TMEM178B: variants seen among roughly 807,000 people sequenced by gnomAD.
TMEM178B encodes transmembrane protein 178B.
TMEM178B carries 5 observed loss-of-function variants against 31.0 expected under a neutral mutation model. That is an observed-to-expected ratio of 0.16 (90% CI 0.08 to 0.34). The LOEUF is 0.34. Among genes scored for constraint, TMEM178B ranks in the 10% least tolerant of loss-of-function variants. The pLI, the probability that TMEM178B is intolerant of heterozygous loss-of-function variation, is 1.00. For synonymous variants in TMEM178B, 164 were observed against 164.0 expected (o/e 1.00, Z 0.00); for missense variants, 275 against 400.3 (o/e 0.69, Z 2.67).
chr7:141,368,222 GGT>G (rs1800046073), intron 2 of TMEM178B, among the ~76,000 whole-genome samples: 1 of 152,198 alleles, frequency 6.6e-6, no homozygotes, highest in African/African-American at 2.4e-5. Context: ...AGGAGGCTGA[GGT>G]GGGAGAATTG....
At position 141,463,872 on chromosome 7, in the gene TMEM178B, G is replaced by A. The variant is rs185301167; in HGVS notation, c.635-6664G>A. On this transcript the variant is annotated intron_variant, in intron 3 of 3. Coordinates refer to ENST00000565468, the MANE Select transcript of TMEM178B (RefSeq NM_001195278.2). ...CACTCAGGTAAGGCCAGACGCGCAG[G>A]ATACAGGAATACAGGCATTTGGATT... is the stretch of plus-strand genomic sequence containing the variant. Among the ~76,000 whole-genome samples, 282 of 152,328 alleles carry A rather than the reference G, an allele frequency of 1.9e-3. 2 individuals carry two copies. Among genetic ancestry groups the A allele is most frequent in the Non-Finnish European group, 3.5e-3 (238 of 68,032 alleles).
chr7:141,398,168 T>A (rs554085735), intron 2 of TMEM178B, among the ~76,000 whole-genome samples: 2 of 152,330 alleles, frequency 1.3e-5, no homozygotes, highest in South Asian at 4.1e-4. Flanking sequence ...TTAAGGGCGA[T>A]ATCAAAAGCA....
chr7:141,148,095 C>T (rs1221444062), intron 1 of TMEM178B, among the ~76,000 whole-genome samples: 3 of 152,176 alleles, frequency 2.0e-5, no homozygotes, highest in Non-Finnish European at 4.4e-5. Flanking sequence ...CTTCTGGAGG[C>T]TCTAGGGGAG....
At chr7:141,312,098 C>G (rs1322742570) in intron 2 of TMEM178B, among the ~76,000 whole-genome samples, 1 of 152,234 alleles carries the variant, frequency 6.6e-6, no homozygotes, top group Admixed American at 6.5e-5. Flanking sequence ...TACTTATTCT[C>G]ACATTTCCCA....
At chr7:141,100,837 G>A (rs1226350309) in intron 1 of TMEM178B, among the ~76,000 whole-genome samples, 1 of 152,130 alleles carries the variant, frequency 6.6e-6, no homozygotes, top group African/African-American at 2.4e-5. Flanking sequence ...AATTTATTCC[G>A]AAAGAGGCAT....
At chr7:141,087,197 T>C (rs944503956) in intron 1 of TMEM178B, among the ~76,000 whole-genome samples, 1 of 152,174 alleles carries the variant, frequency 6.6e-6, no homozygotes, top group South Asian at 2.1e-4. Flanking sequence ...TGGTTGACTT[T>C]TGTAAGTAGG....
At chr7:141,243,619 C>T (rs1374624125) in intron 2 of TMEM178B, among the ~76,000 whole-genome samples, 1 of 152,078 alleles carries the variant, frequency 6.6e-6, no homozygotes, top group Non-Finnish European at 1.5e-5. Flanking sequence ...TGGGCCTCGG[C>T]TTCCTTCCTC....
rs190277528 is a variant in TMEM178B at position 141,334,046 on chromosome 7, A to C, written c.497-103562A>C. ...CCCAGGAAGAGGAGGGTTGGAAGAG[A>C]AGCCAAACCTAGGGGGAAGAGGCTG... is the stretch of plus-strand genomic sequence containing the variant. On this transcript the variant is annotated intron_variant, in intron 2 of 3. Coordinates refer to ENST00000565468, the MANE Select transcript of TMEM178B (RefSeq NM_001195278.2). 3.5e-3 allele frequency among the ~76,000 whole-genome samples: 529 copies of C among 152,308 alleles called. 3 individuals carry two copies. Among genetic ancestry groups the C allele is most frequent in the African/African-American group, 0.012 (490 of 41,580 alleles).
intron 2 of TMEM178B, among the ~76,000 whole-genome samples, chr7:141,250,138 C>G (rs1261961008): frequency 6.6e-6 from 1 of 152,086 alleles, no homozygotes; most frequent in Non-Finnish European, 1.5e-5. Context: ...TATTCACTAC[C>G]TCCAATCCTC....
At chr7:141,249,439 C>T (rs962801016) in intron 2 of TMEM178B, among the ~76,000 whole-genome samples, 2 of 152,170 alleles carry the variant, frequency 1.3e-5, no homozygotes, top group Admixed American at 6.5e-5. Context: ...AGTGTAAAAA[C>T]GTACTTATAC....
At chr7:141,218,275 A>G (rs1797194502) in intron 2 of TMEM178B, among the ~76,000 whole-genome samples, 1 of 152,126 alleles carries the variant, frequency 6.6e-6, no homozygotes, top group Non-Finnish European at 1.5e-5. Context: ...ATCCTGAAGC[A>G]GGGTACAGCC....
chr7:141,248,474 C>T (rs1448888872), intron 2 of TMEM178B, among the ~76,000 whole-genome samples: 1 of 152,164 alleles, frequency 6.6e-6, no homozygotes, highest in Non-Finnish European at 1.5e-5. Flanking sequence ...CATCATTAAG[C>T]AATGTTGTTG....
intron 1 of TMEM178B, among the ~76,000 whole-genome samples, chr7:141,210,465 GTCAA>G (rs984001294): frequency 6.6e-6 from 1 of 152,038 alleles, no homozygotes; most frequent in African/African-American, 2.4e-5. Flanking sequence ...CTCTCAATCA[GTCAA>G]TCAATAAAAA....
intron 2 of TMEM178B, among the ~76,000 whole-genome samples, chr7:141,291,317 G>C (rs1043876944): frequency 3.9e-5 from 6 of 152,104 alleles, no homozygotes; most frequent in African/African-American, 1.4e-4. Flanking sequence ...ACATCACCGT[G>C]TATCAGACTC....
chr7:141,358,379 C>T (rs993202992), intron 2 of TMEM178B, among the ~76,000 whole-genome samples: 1 of 152,186 alleles, frequency 6.6e-6, no homozygotes, highest in Non-Finnish European at 1.5e-5. Flanking sequence ...CCTCTCCCCA[C>T]ACAGTTTCAT....
At chr7:141,350,451 C>T (rs1177301320) in intron 2 of TMEM178B, among the ~76,000 whole-genome samples, 4 of 152,010 alleles carry the variant, frequency 2.6e-5, no homozygotes, top group East Asian at 1.9e-4. Context: ...TTGTCCGAAA[C>T]GATACCTAGT....
chr7:141,455,410 A>G (rs569736018), intron 3 of TMEM178B, among the ~76,000 whole-genome samples: 2 of 152,278 alleles, frequency 1.3e-5, no homozygotes, highest in South Asian at 4.2e-4. Context: ...TTTAAACACC[A>G]CTGTGTGTAG....
rs978359003 is a variant in TMEM178B at position 141,344,075 on chromosome 7, C to T, written c.497-93533C>T. Reference sequence around the variant, plus strand: ...ATACGGAGTATATGAGATATTGGCTCCTCACTATATGCTGATCTAAAATTC... The same window carrying T: ...ATACGGAGTATATGAGATATTGGCTTCTCACTATATGCTGATCTAAAATTC... On this transcript the variant is annotated intron_variant, in intron 2 of 3. Transcript: ENST00000565468. The surrounding 1 kb of genome is among the most constrained non-coding windows in gnomAD (Gnocchi z 4.1). Among the ~76,000 whole-genome samples the T allele has an allele frequency of 1.3e-5, 2 of 152,146 alleles. No individual in the cohort carries two copies. The highest frequency in any genetic ancestry group is 4.8e-5 in the African/African-American group (2 of 41,430).
intron 1 of TMEM178B, among the ~76,000 whole-genome samples, chr7:141,106,582 T>A (rs185695646): frequency 1.3e-5 from 2 of 152,194 alleles, no homozygotes; most frequent in Non-Finnish European, 2.9e-5. Flanking sequence ...AGATACCAGA[T>A]ATCTGGAGCC....
Sources: gnomAD v4.1 joint callset for allele counts (sites outside exome capture counted in the v4.1 genomes callset) on GRCh38, gnomAD v4.1.1 for gene constraint, Gnocchi (gnomAD v3.1) non-coding constraint, MANE v1.5 for transcripts, NCBI Gene and HGNC (gene_info 2026-07-23, HGNC 2026-07-21) for gene names.